CSMD1: variants seen among roughly 807,000 people sequenced by gnomAD.
CSMD1 encodes the protein CUB and Sushi multiple domains 1.
CSMD1 carries 213 observed loss-of-function variants against 417.5 expected under a neutral mutation model. That is an observed-to-expected ratio of 0.51 (90% CI 0.46 to 0.57). CSMD1 has a LOEUF of 0.57. CSMD1 is among the 20% of genes least tolerant of loss of function. The probability of loss-of-function intolerance (pLI) is 0.00; values close to 1 mark genes in which losing one functional copy is unlikely to be tolerated. For missense variants in CSMD1, 6,923 were observed against 4,529.7 expected, an observed-to-expected ratio of 1.53 and a Z score of -15.17; for synonymous variants, 2,862 against 1,736.8, an observed-to-expected ratio of 1.65 and a Z score of -16.11.
intron 2 of CSMD1, among the ~76,000 whole-genome samples, chr8:4,426,316 G>GT (rs944962552): frequency 6.6e-6 from 1 of 150,682 alleles, no homozygotes; most frequent in Non-Finnish European, 1.5e-5. Context: ...GATATAAAAA[G>GT]TTTTTTTAAT....
chr8:4,301,043 G>A (rs1797955012), intron 3 of CSMD1, among the ~76,000 whole-genome samples: 1 of 152,144 alleles, frequency 6.6e-6, no homozygotes, highest in East Asian at 1.9e-4. Flanking sequence ...GAAACAAAAA[G>A]AAGTCAGAAG....
intron 3 of CSMD1, among the ~76,000 whole-genome samples, chr8:4,071,115 C>T (rs1213945246): frequency 6.6e-6 from 1 of 150,790 alleles, no homozygotes; most frequent in African/African-American, 2.4e-5. Context: ...ACTCTTGAGT[C>T]TTTTTTTTTC....
chr8:3,256,209 C>A (rs1012768198), intron 26 of CSMD1, among the ~76,000 whole-genome samples: 1 of 151,110 alleles, frequency 6.6e-6, no homozygotes, highest in East Asian at 2.0e-4. Flanking sequence ...CACCTGTAAT[C>A]CCAACTACTC....
intron 1 of CSMD1, among the ~76,000 whole-genome samples, chr8:4,808,084 A>ATTAGCATGCTTAC (rs1798692086): frequency 6.6e-6 from 1 of 152,144 alleles, no homozygotes; most frequent in Non-Finnish European, 1.5e-5. Flanking sequence ...CAATGTCCTT[A>ATTAGCATGCTTAC]TTAGCATGCT....
chr8:3,794,519 AT>A (rs1799934248), intron 5 of CSMD1, among the ~76,000 whole-genome samples: 1 of 152,208 alleles, frequency 6.6e-6, no homozygotes, highest in Non-Finnish European at 1.5e-5. Flanking sequence ...ATTGTGTGTT[AT>A]AATACTAAAA....
At chr8:2,962,433 C>T in intron 61 of CSMD1, 33 bp downstream of exon 61, 1 of 1,577,366 alleles carries the variant, frequency 6.3e-7, no homozygotes, top group Non-Finnish European at 8.7e-7. Flanking sequence ...CAAATACTCC[C>T]AGGTATCCCC....
At chr8:4,179,807 G>T (rs1401988971) in intron 3 of CSMD1, among the ~76,000 whole-genome samples, 3 of 152,140 alleles carry the variant, frequency 2.0e-5, no homozygotes, top group East Asian at 3.9e-4. Context: ...CATTTATGCA[G>T]CCAAAAGACA....
intron 5 of CSMD1, among the ~76,000 whole-genome samples, chr8:3,790,516 T>C (rs561921521): frequency 6.6e-6 from 1 of 152,206 alleles, no homozygotes; most frequent in Non-Finnish European, 1.5e-5. Context: ...ATGACGGTGA[T>C]AACCGTGTGA....
At chr8:4,880,643 C>A (rs1803331529) in intron 1 of CSMD1, among the ~76,000 whole-genome samples, 1 of 151,968 alleles carries the variant, frequency 6.6e-6, no homozygotes, top group African/African-American at 2.4e-5. Flanking sequence ...CGAAGCGTCC[C>A]GATGAAGCAA....
Position 4,298,627 on chromosome 8 carries a change from T to C in CSMD1, c.415+121326A>G, listed in dbSNP as rs144366345. On this transcript the variant is annotated intron_variant, in intron 3 of 69. Transcript: ENST00000635120. ...TAATGTTAACCATATGCAAACGTTA[T>C]AGAACATCACAATTTAGTTTTAATA... is the stretch of plus-strand genomic sequence containing the variant. Among the ~76,000 whole-genome samples, 23 of 152,278 alleles carry C rather than the reference T, an allele frequency of 1.5e-4. No homozygotes were observed. The East Asian group carries it at 3.5e-3, about 23-fold the overall frequency.
intron 7 of CSMD1, among the ~76,000 whole-genome samples, chr8:3,622,996 G>T (rs185466417): frequency 1.8e-4 from 28 of 152,222 alleles, no homozygotes; most frequent in Admixed American, 1.2e-3. Context: ...ACATGACATA[G>T]ATAGTAATAA....
At chr8:4,152,657 C>G (rs1453917748) in intron 3 of CSMD1, among the ~76,000 whole-genome samples, 1 of 151,460 alleles carries the variant, frequency 6.6e-6, no homozygotes, top group Non-Finnish European at 1.5e-5. Context: ...GCCAGCGCAC[C>G]GCAACCCAAG....
At chr8:4,297,049 A>G (rs1001090049) in intron 3 of CSMD1, among the ~76,000 whole-genome samples, 1 of 150,770 alleles carries the variant, frequency 6.6e-6, no homozygotes, top group South Asian at 2.1e-4. Context: ...TTACGCCAAT[A>G]AAAATGGTCG....
At chr8:4,834,222 G>C (rs1800324268) in intron 1 of CSMD1, among the ~76,000 whole-genome samples, 1 of 152,154 alleles carries the variant, frequency 6.6e-6, no homozygotes, top group Non-Finnish European at 1.5e-5. Context: ...TTTGAACGTG[G>C]TAAGGAGAGG....
At chr8:3,114,180 G>C (rs951793071) in intron 42 of CSMD1, among the ~76,000 whole-genome samples, 11 of 152,148 alleles carry the variant, frequency 7.2e-5, no homozygotes, top group African/African-American at 2.7e-4. Flanking sequence ...GCAGGTCAAG[G>C]CTACAGTGAG....
At chr8:4,012,921 T>A (rs1353660317) in intron 4 of CSMD1, among the ~76,000 whole-genome samples, 1 of 152,144 alleles carries the variant, frequency 6.6e-6, no homozygotes, top group Admixed American at 6.5e-5. Context: ...AGCACCTTCT[T>A]TAAACAGCAT....
intron 3 of CSMD1, among the ~76,000 whole-genome samples, chr8:4,068,688 C>G (rs973768054): frequency 2.6e-5 from 4 of 152,122 alleles, no homozygotes; most frequent in African/African-American, 9.7e-5. Context: ...CTATTATTCT[C>G]ATTTCAAGAT....
intron 8 of CSMD1, among the ~76,000 whole-genome samples, chr8:3,593,676 C>A (rs1050873967): frequency 6.6e-6 from 1 of 152,170 alleles, no homozygotes; most frequent in African/African-American, 2.4e-5. Flanking sequence ...AAGAAATTAC[C>A]AATCACAGTA....
chr8:4,140,461 G>T (rs35431348), intron 3 of CSMD1, among the ~76,000 whole-genome samples: 45,199 of 150,524 alleles, frequency 0.3, 8,425 homozygotes, highest in Non-Finnish European at 0.39. Flanking sequence ...TCAAACATTT[G>T]CACTCCAGTA....
Sources: gnomAD v4.1 joint callset for allele counts (sites outside exome capture counted in the v4.1 genomes callset) on GRCh38, gnomAD v4.1.1 for gene constraint, MANE v1.5 for transcripts, NCBI Gene and HGNC (gene_info 2026-07-23, HGNC 2026-07-21) for gene names.